The following USH2A variants were observed in gnomAD, a reference collection of about 807,000 sequenced individuals.
USH2A encodes the protein usherin, also known as Usher syndrome 2A (autosomal recessive, mild).
USH2A carries 443 observed loss-of-function variants against 538.9 expected under a neutral mutation model. The observed-to-expected ratio is 0.82, with a 90% CI of 0.76 to 0.89. USH2A has a LOEUF of 0.89. Ranked by LOEUF, USH2A falls within the 40% of genes least tolerant of loss-of-function variation. USH2A has a pLI of 0.00. For synonymous variants in USH2A, 2,413 were observed against 2,273.5 expected, an observed-to-expected ratio of 1.06 and a Z score of -1.75; for missense variants, 6,633 against 6,324.8, an observed-to-expected ratio of 1.05 and a Z score of -1.65.
At chr1:215,788,874 A>G (rs1050664659) in intron 51 of USH2A, among the ~76,000 whole-genome samples, 1 of 152,164 alleles carries the variant, frequency 6.6e-6, no homozygotes, top group Admixed American at 6.6e-5. Context: ...ATACATCTAT[A>G]TACAAGAAGA....
intron 11 of USH2A, among the ~76,000 whole-genome samples, chr1:216,284,250 A>G (rs997790838): frequency 6.6e-6 from 1 of 152,172 alleles, no homozygotes; most frequent in Non-Finnish European, 1.5e-5. Context: ...CTTGAATTGT[A>G]GTTCCCATAA....
At chr1:216,334,195 G>A (rs10864239) in intron 4 of USH2A, among the ~76,000 whole-genome samples, 59,665 of 151,634 alleles carry the variant, frequency 0.39, 13,073 homozygotes, top group African/African-American at 0.6. Flanking sequence ...AGACAATAAC[G>A]GCACAAAAGA....
intron 16 of USH2A, chr1:216,204,076 C>G (rs141892318): frequency 1.1e-4 from 17 of 159,366 alleles, no homozygotes; most frequent in African/African-American, 4.1e-4. Flanking sequence ...TAATGAAGAT[C>G]GTTTTTATTT....
chr1:216,315,669 G>A (rs1347555701), intron 9 of USH2A, among the ~76,000 whole-genome samples: 1 of 152,170 alleles, frequency 6.6e-6, no homozygotes, highest in African/African-American at 2.4e-5. Flanking sequence ...GGACAAATTG[G>A]TAGAGTACAC....
In USH2A at chr1:215,743,416, G is replaced by C. The variant is rs377724243; in HGVS notation, c.11390-81C>G. On this transcript the variant is annotated intron_variant, in intron 58 of 71. Transcript: ENST00000307340. ...TGTGTGTGTGTGTGTGTGTGTGTGT[G>C]TATATATATATAGACACACATATAT... The C allele has an allele frequency of 2.5e-3, 585 of 237,352 alleles. 1 individual carries two copies. The highest frequency in any genetic ancestry group is 3.4e-3 in the Non-Finnish European group (479 of 140,336). 14.7% of individuals were successfully genotyped at this position (237,352 alleles called of 1,614,324 possible).
intron 33 of USH2A, among the ~76,000 whole-genome samples, chr1:215,999,555 C>T (rs935332001): frequency 6.6e-6 from 1 of 152,072 alleles, no homozygotes; most frequent in African/African-American, 2.4e-5. Context: ...TTATTCTTAA[C>T]AGATGGATTG....
intron 64 of USH2A, among the ~76,000 whole-genome samples, chr1:215,661,360 T>G (rs1294354937): frequency 6.6e-6 from 1 of 152,184 alleles, no homozygotes; most frequent in Non-Finnish European, 1.5e-5. Flanking sequence ...GCTCCTCTCT[T>G]TGGCACTGCA....
chr1:216,066,892 T>C (rs1245045988), intron 30 of USH2A, among the ~76,000 whole-genome samples: 2 of 152,360 alleles, frequency 1.3e-5, no homozygotes, highest in South Asian at 2.1e-4. Flanking sequence ...GAGATTTATA[T>C]CAATGTCTGA....
At chr1:216,363,722 G>A (rs2038539839) in intron 4 of USH2A, among the ~76,000 whole-genome samples, 2 of 151,676 alleles carry the variant, frequency 1.3e-5, no homozygotes, top group Non-Finnish European at 2.9e-5. Flanking sequence ...CTCATGGATT[G>A]CAACTATACA....
intron 3 of USH2A, among the ~76,000 whole-genome samples, chr1:216,387,631 C>T (rs774414150): frequency 1.5e-4 from 23 of 152,218 alleles, no homozygotes; most frequent in Non-Finnish European, 2.9e-4. Flanking sequence ...AGGTATATAT[C>T]GGCGGTGTAG....
At position 215,822,496 on chromosome 1, in the gene USH2A, G is replaced by A. The variant is rs112357605; in HGVS notation, c.9372-5301C>T. On this transcript the variant is annotated intron_variant, in intron 47 of 71. Coordinates refer to ENST00000307340, the MANE Select transcript of USH2A (RefSeq NM_206933.4). ...TGTATTCTGCAACTTTACTAAATTTGTTCATCAGTTCTAACAGGTTTTTTG... is the reference window on the plus strand; with the variant it reads ...TGTATTCTGCAACTTTACTAAATTTATTCATCAGTTCTAACAGGTTTTTTG... 4.3e-3 allele frequency among the ~76,000 whole-genome samples: 647 copies of A among 151,936 alleles called. 4 individuals carry two copies. Among genetic ancestry groups the A allele is most frequent in the African/African-American group, 0.014 (602 of 41,534 alleles).
chr1:215,629,997 G>T (rs948475610), intron 70 of USH2A: 9 of 445,596 alleles, frequency 2.0e-5, no homozygotes, highest in South Asian at 1.6e-4. Context: ...GGATGGTCTC[G>T]ATCTCCTGAC....
chr1:216,145,904 C>T (rs1558282429), intron 21 of USH2A, among the ~76,000 whole-genome samples: 1 of 152,066 alleles, frequency 6.6e-6, no homozygotes, highest in Non-Finnish European at 1.5e-5. Flanking sequence ...TTTTCCTTTA[C>T]CTACCCAAAT....
At chr1:215,998,251 A>G (rs1668183768) in intron 34 of USH2A, among the ~76,000 whole-genome samples, 1 of 152,122 alleles carries the variant, frequency 6.6e-6, no homozygotes. Context: ...TCATCAAAAA[A>G]CAAAAGGAAT....
intron 43 of USH2A, 108 bp downstream of exon 43, chr1:215,877,650 C>G: frequency 2.6e-6 from 4 of 1,522,678 alleles, no homozygotes; most frequent in Non-Finnish European, 3.6e-6. Context: ...TGTTTTATTG[C>G]ATAACTGATA....
chr1:215,812,254 G>T (rs1008419505), intron 49 of USH2A, among the ~76,000 whole-genome samples: 3 of 152,040 alleles, frequency 2.0e-5, no homozygotes, highest in Admixed American at 6.6e-5. Context: ...CCAAAGTGCT[G>T]GGATTACAGG....
chr1:216,086,868 T>A lies in USH2A; in HGVS notation c.4886-48A>T, dbSNP rs373184524. On this transcript the variant is annotated intron_variant, in intron 23 of 71. Transcript: ENST00000307340. The stretch of plus-strand genomic sequence containing the variant: ...TACACCTTCACCAGGATACTCTAGT[T>A]TTACTAGCTCAGCAAATAATAAAAT... 6.8e-5 allele frequency: 96 copies of A among 1,418,082 alleles called. 1 individual carries two copies. In the African/African-American group the frequency reaches 1.3e-3, roughly 19 times the overall value. The allele number at this position is 1,418,082 out of a possible 1,614,324, so 87.8% of individuals were successfully genotyped here. A position where few individuals can be genotyped will look rare whatever the true frequency, so the allele number is the denominator to read the frequency against.
intron 21 of USH2A, among the ~76,000 whole-genome samples, chr1:216,101,551 A>C (rs1001543304): frequency 6.6e-6 from 1 of 152,194 alleles, no homozygotes; most frequent in East Asian, 1.9e-4. Flanking sequence ...ATGTGTTATC[A>C]TCCTGGGCCC....
At chr1:216,146,803 G>A (rs536441592) in intron 21 of USH2A, among the ~76,000 whole-genome samples, 13 of 151,932 alleles carry the variant, frequency 8.6e-5, no homozygotes, top group African/African-American at 3.1e-4. Flanking sequence ...CTTCACTATG[G>A]GCAACCTTCC....
Sources: gnomAD v4.1 joint callset for allele counts (sites outside exome capture counted in the v4.1 genomes callset) on GRCh38, gnomAD v4.1.1 for gene constraint, MANE v1.5 for transcripts, NCBI Gene and HGNC (gene_info 2026-07-23, HGNC 2026-07-21) for gene names.